The following ABCA1 variants were observed in gnomAD, a reference collection of about 807,000 sequenced individuals.
The protein encoded by ABCA1 is phospholipid-transporting ATPase ABCA1.
ABCA1 carries 133 observed loss-of-function variants against 262.5 expected under a neutral mutation model. That is an observed-to-expected ratio of 0.51 (90% CI 0.44 to 0.59). The LOEUF is 0.59. Ranked by LOEUF, ABCA1 falls within the 20% of genes least tolerant of loss-of-function variation. ABCA1 has a pLI of 0.00. For synonymous variants in ABCA1, 1,022 were observed against 1,043.5 expected (o/e 0.98, Z 0.40); for missense variants, 2,452 against 2,777.5 (o/e 0.88, Z 2.63).
chr9:104,835,547 C>G (rs143358561), intron 11 of ABCA1, among the ~76,000 whole-genome samples: 1 of 152,168 alleles, frequency 6.6e-6, no homozygotes, highest in Admixed American at 6.5e-5. Context: ...CTGGTCTCTG[C>G]CTTCATTCTT....
chr9:104,914,194 T>C (rs1201077955), intron 1 of ABCA1, among the ~76,000 whole-genome samples: 2 of 151,848 alleles, frequency 1.3e-5, no homozygotes, highest in African/African-American at 4.8e-5. Flanking sequence ...AATCTGAGCC[T>C]TGGCCAGACG....
chr9:104,826,024 T>C (rs1832783317), intron 16 of ABCA1, 137 bp from the exon 17 acceptor site: 1 of 861,452 alleles, frequency 1.2e-6, no homozygotes, highest in Non-Finnish European at 1.9e-6. Context: ...AGTATTTACC[T>C]ATAGAGTCCC....
chr9:104,852,090 T>C (rs1835428216), intron 7 of ABCA1, among the ~76,000 whole-genome samples: 1 of 152,258 alleles, frequency 6.6e-6, no homozygotes, highest in Non-Finnish European at 1.5e-5. Context: ...CATGTTACAA[T>C]GTGTTCATTG....
intron 5 of ABCA1, among the ~76,000 whole-genome samples, chr9:104,879,501 T>C (rs1354279210): frequency 6.6e-6 from 1 of 152,186 alleles, no homozygotes; most frequent in Non-Finnish European, 1.5e-5. Flanking sequence ...GTATCAGATA[T>C]AATACATGGC....
chr9:104,793,829 T>G (rs1829632428), intron 40 of ABCA1, among the ~76,000 whole-genome samples: 1 of 152,106 alleles, frequency 6.6e-6, no homozygotes, highest in South Asian at 2.1e-4. Flanking sequence ...CCCTCTTCTA[T>G]GAACAGTAAA....
At chr9:104,889,899 T>C (rs1375631834) in intron 2 of ABCA1, among the ~76,000 whole-genome samples, 3 of 152,210 alleles carry the variant, frequency 2.0e-5, no homozygotes, top group Admixed American at 1.3e-4. Flanking sequence ...CTGGTCATCA[T>C]CTTCTCCGAT....
intron 36 of ABCA1, 26 bp downstream of exon 36, chr9:104,799,793 A>G (rs1830185590): frequency 6.2e-7 from 1 of 1,614,002 alleles, no homozygotes; most frequent in Non-Finnish European, 8.5e-7. Flanking sequence ...GCCCCACTCC[A>G]TCTATACAGA....
rs1230627054 is a variant in ABCA1 at position 104,837,439 on chromosome 9, C to T, written c.1183G>A (p.Val395Ile). The T allele has an allele frequency of 4.3e-6, 7 of 1,613,920 alleles. No homozygotes were observed. The African/African-American group carries it at 5.3e-5, about 12-fold the overall frequency. ...YTPDTPATRQVMAEVNKTFQE... is the reference protein window; with the variant it reads ...YTPDTPATRQIMAEVNKTFQE... The stretch of plus-strand genomic sequence containing the variant: ...TGGGGGCAGCTTACCTCAGCCATGA[C>T]CTGCCTTGTGGCTGGAGTGTCAGGT... Residue 395 changes from valine to isoleucine, a missense_variant, in exon 10 of 50, where the codon GTC becomes ATC. Physicochemically the swap from Val to Ile is conservative, Grantham distance 29. Around this residue, in one of 4 missense-constraint regions of ABCA1, gnomAD observed 1,032 missense variants for 1,089.7 expected, o/e 0.95. Transcript: ENST00000374736.
At chr9:104,827,958 T>C (rs931113587) in intron 15 of ABCA1, among the ~76,000 whole-genome samples, 2 of 152,258 alleles carry the variant, frequency 1.3e-5, no homozygotes, top group Non-Finnish European at 2.9e-5. Context: ...TTGTAACAGA[T>C]GGTAACTAGT....
rs1372625761 is a variant in ABCA1, at chr9:104,911,765, C to A, written c.-92-7994G>T. 2.0e-5 allele frequency among the ~76,000 whole-genome samples: 3 copies of A among 152,330 alleles called. No individual in the cohort carries two copies. The South Asian group carries it at 6.2e-4, about 32-fold the overall frequency. Reference sequence around the variant, plus strand: ...AAGGGTCATGGGCTGGTACTCCCCCCTGAAACTGTGTTCCTATTTTTAAAG... The same window carrying A: ...AAGGGTCATGGGCTGGTACTCCCCCATGAAACTGTGTTCCTATTTTTAAAG... On this transcript the variant is annotated intron_variant, in intron 1 of 49. Transcript: ENST00000374736.
At chr9:104,837,123 C>T (rs200563809) in intron 10 of ABCA1, 27 bp from the exon 11 acceptor site, 10 of 1,568,264 alleles carry the variant, frequency 6.4e-6, no homozygotes, top group African/African-American at 4.3e-5. Flanking sequence ...AGCCAGGGAC[C>T]GCAGAAAAAG....
chr9:104,883,017 T>G (rs1467516419), intron 5 of ABCA1, 22 bp downstream of exon 5: 4 of 1,578,796 alleles, frequency 2.5e-6, no homozygotes, highest in Admixed American at 3.3e-5. Context: ...TATAAACGGA[T>G]GCAGAGAAGG....
chr9:104,857,354 T>G (rs1002515624), intron 7 of ABCA1, among the ~76,000 whole-genome samples: 3 of 152,096 alleles, frequency 2.0e-5, no homozygotes, highest in Non-Finnish European at 4.4e-5. Flanking sequence ...TGCCTCAGCC[T>G]CCCGAGTAGC....
intron 5 of ABCA1, among the ~76,000 whole-genome samples, chr9:104,865,023 G>A (rs1448641213): frequency 6.6e-6 from 1 of 152,206 alleles, no homozygotes; most frequent in African/African-American, 2.4e-5. Flanking sequence ...AAGCAGCAGG[G>A]AGGGCCAAAG....
intron 9 of ABCA1, among the ~76,000 whole-genome samples, chr9:104,838,555 T>G (rs911283422): frequency 6.6e-6 from 1 of 150,614 alleles, no homozygotes; most frequent in African/African-American, 2.5e-5. Flanking sequence ...AGGCGGAGCT[T>G]GCAGTGAGCC....
intron 2 of ABCA1, among the ~76,000 whole-genome samples, chr9:104,892,986 G>A (rs891695021): frequency 2.0e-5 from 3 of 152,116 alleles, no homozygotes; most frequent in Non-Finnish European, 4.4e-5. Context: ...GAAATCATTA[G>A]CCATGTAATA....
At chr9:104,908,414 C>T (rs545588782) in intron 1 of ABCA1, among the ~76,000 whole-genome samples, 79 of 152,152 alleles carry the variant, frequency 5.2e-4, no homozygotes, top group Non-Finnish European at 8.8e-4. Context: ...TGCCTGTAAT[C>T]CTAGCACTTT....
chr9:104,833,083 C>A (rs998559865), intron 11 of ABCA1, among the ~76,000 whole-genome samples: 1 of 152,194 alleles, frequency 6.6e-6, no homozygotes, highest in Non-Finnish European at 1.5e-5. Flanking sequence ...ACTACAGTAA[C>A]AACAACAATA....
rs1588401085 is a variant in ABCA1 at position 104,850,317 on chromosome 9, T to A, written c.721-4748A>T. 2.0e-5 allele frequency among the ~76,000 whole-genome samples: 3 copies of A among 152,340 alleles called. No individual in the cohort carries two copies. In the South Asian group the frequency reaches 6.2e-4, roughly 32 times the overall value. ...TTGTATTTTCAGTAGAGGCAGTGTT[T>A]CACCATGTTGGCCAAGCTGGTCTCC... On this transcript the variant is annotated intron_variant, in intron 7 of 49. Coordinates refer to ENST00000374736, the MANE Select transcript of ABCA1 (RefSeq NM_005502.4).
Sources: allele counts gnomAD v4.1 joint callset (sites outside exome capture counted in the v4.1 genomes callset), GRCh38; gene constraint gnomAD v4.1.1; regional missense constraint gnomAD v4.1.1; transcripts MANE v1.5; gene names NCBI Gene and HGNC (gene_info 2026-07-23, HGNC 2026-07-21).